Variants in PIK3R1 observed in about 807,000 individuals in gnomAD.
PIK3R1 encodes phosphoinositide-3-kinase regulatory subunit 1, also known as phosphatidylinositol 3-kinase regulatory subunit alpha.
In PIK3R1, 29 loss-of-function variants were observed where a neutral mutation model predicts 98.0. That is an observed-to-expected ratio of 0.30 (90% CI 0.22 to 0.40). PIK3R1 has a LOEUF of 0.40. Among genes scored for constraint, PIK3R1 ranks in the 10% least tolerant of loss-of-function variants. PIK3R1 has a pLI of 1.00. For synonymous variants in PIK3R1, 282 were observed against 311.8 expected, an observed-to-expected ratio of 0.90 and a Z score of 1.01; for missense variants, 596 against 872.7, an observed-to-expected ratio of 0.68 and a Z score of 3.99.
At chr5:68,286,074 A>T (rs1747064821) in intron 7 of PIK3R1, among the ~76,000 whole-genome samples, 1 of 152,212 alleles carries the variant, frequency 6.6e-6, no homozygotes, top group African/African-American at 2.4e-5. Flanking sequence ...GGTGACTTGT[A>T]CATATGAAAT....
At chr5:68,268,637 C>A (rs989562750) in intron 2 of PIK3R1, among the ~76,000 whole-genome samples, 1 of 152,186 alleles carries the variant, frequency 6.6e-6, no homozygotes, top group Non-Finnish European at 1.5e-5. Context: ...AGGTAAGTGG[C>A]AGTTTTTCAC....
chr5:68,251,917 A>G (rs865993627), intron 2 of PIK3R1, among the ~76,000 whole-genome samples: 4 of 152,130 alleles, frequency 2.6e-5, no homozygotes, highest in Admixed American at 6.5e-5. Context: ...TGCAGGAGTG[A>G]CTGTTCTTGG....
At chr5:68,238,129 C>T (rs1313760411) in intron 2 of PIK3R1, among the ~76,000 whole-genome samples, 2 of 152,212 alleles carry the variant, frequency 1.3e-5, no homozygotes, top group Non-Finnish European at 2.9e-5. Flanking sequence ...CTCTCCATCA[C>T]TCAGAGCATC....
chr5:68,261,991 A>G (rs1054958535), intron 2 of PIK3R1, among the ~76,000 whole-genome samples: 5 of 152,134 alleles, frequency 3.3e-5, no homozygotes, highest in African/African-American at 1.2e-4. Context: ...TAATGCAGAA[A>G]GGAGTACCCC....
chr5:68,228,207 A>G (rs1239753438), intron 2 of PIK3R1, among the ~76,000 whole-genome samples: 1 of 152,224 alleles, frequency 6.6e-6, no homozygotes, highest in Non-Finnish European at 1.5e-5. Context: ...CTAGTAAGCT[A>G]TTATACCTTC....
intron 12 of PIK3R1, 106 bp from the exon 13 acceptor site, chr5:68,295,042 T>A: frequency 1.3e-6 from 1 of 780,566 alleles, no homozygotes; most frequent in Non-Finnish European, 1.9e-6. Flanking sequence ...AAGCCACGCT[T>A]TACCTAAGGA....
intron 2 of PIK3R1, among the ~76,000 whole-genome samples, chr5:68,263,215 T>TCTACATATATATCTATATATGTAGAAAA (rs1561279747): frequency 5.8e-5 from 7 of 120,956 alleles, no homozygotes; most frequent in Admixed American, 4.8e-4. Flanking sequence ...ATATATATAT[T>TCTACATATATATCTATATATGTAGAAAA]TCTACATATA....
chr5:68,296,092 G>A, intron 14 of PIK3R1, 79 bp from the exon 15 acceptor site: 1 of 1,391,336 alleles, frequency 7.2e-7, no homozygotes. Flanking sequence ...AGTGACGGGG[G>A]TATGCCTAGG....
intron 2 of PIK3R1, among the ~76,000 whole-genome samples, chr5:68,269,485 G>A (rs1050735055): frequency 3.3e-5 from 5 of 152,064 alleles, no homozygotes; most frequent in African/African-American, 1.2e-4. Context: ...TTTGTTTTTA[G>A]TACTATTATT....
intron 1 of PIK3R1, among the ~76,000 whole-genome samples, chr5:68,219,404 C>G (rs113090942): frequency 9.2e-5 from 14 of 152,330 alleles, no homozygotes; most frequent in African/African-American, 3.1e-4. Flanking sequence ...TTAATAAAGC[C>G]AAGGCATCTG....
chr5:68,286,818 A>G (rs1264391817), intron 7 of PIK3R1, among the ~76,000 whole-genome samples: 1 of 152,218 alleles, frequency 6.6e-6, no homozygotes. Flanking sequence ...GAATCCAGAC[A>G]GGTATGCTTA....
intron 2 of PIK3R1, among the ~76,000 whole-genome samples, chr5:68,258,334 G>A (rs1336806282): frequency 1.3e-5 from 2 of 152,104 alleles, no homozygotes; most frequent in Non-Finnish European, 2.9e-5. Context: ...GAAAAAGGAT[G>A]TATTAGAGAC....
chr5:68,238,152 G>A (rs910233632), intron 2 of PIK3R1, among the ~76,000 whole-genome samples: 1 of 152,188 alleles, frequency 6.6e-6, no homozygotes, highest in South Asian at 2.1e-4. Context: ...AAAGTCAGGC[G>A]GTGAACGCAG....
chr5:68,241,848 A>G (rs1474897544), intron 2 of PIK3R1, among the ~76,000 whole-genome samples: 16 of 152,362 alleles, frequency 1.1e-4, no homozygotes, highest in Non-Finnish European at 5.9e-5. Context: ...TTTAAATACA[A>G]TCTCACATTT....
In PIK3R1 at chr5:68,300,414, GAT is replaced by G. The variant is rs1282209818; in HGVS notation, c.*2818_*2819del. The G allele has an allele frequency of 4.3e-6, 1 of 232,890 alleles. No individual in the cohort carries two copies. The highest frequency in any genetic ancestry group is 6.0e-5 in the East Asian group (1 of 16,564). 14.4% of individuals were successfully genotyped at this position (232,890 alleles called of 1,614,324 possible). The stretch of plus-strand genomic sequence containing the variant: ...GAATAGATACAGCAGAGGCACTCCT[GAT>G]ATATGATTTTTATCCATGCGTCAGT... On this transcript the variant is annotated 3_prime_UTR_variant, in exon 16 of 16. Coordinates refer to ENST00000521381, the MANE Select transcript of PIK3R1 (RefSeq NM_181523.3).
At chr5:68,229,074 G>A (rs2111973765) in intron 2 of PIK3R1, among the ~76,000 whole-genome samples, 1 of 151,848 alleles carries the variant, frequency 6.6e-6, no homozygotes, top group Admixed American at 6.6e-5. Context: ...AAAAGTATTA[G>A]AGCCTGAATA....
At chr5:68,237,448 G>A (rs532617365) in intron 2 of PIK3R1, among the ~76,000 whole-genome samples, 4 of 152,286 alleles carry the variant, frequency 2.6e-5, no homozygotes, top group Admixed American at 6.5e-5. Context: ...GAGGGGGTAA[G>A]GGAAAGGCAC....
At chr5:68,291,715 G>A (rs1424463699) in intron 7 of PIK3R1, 2 of 152,548 alleles carry the variant, frequency 1.3e-5, no homozygotes, top group African/African-American at 2.4e-5. Context: ...GCTTTTGGCA[G>A]AACAGTGCCT....
chr5:68,290,870 T>C, intron 7 of PIK3R1: 2 of 1,409,142 alleles, frequency 1.4e-6, no homozygotes, highest in Non-Finnish European at 1.9e-6. Flanking sequence ...AGTTAGTTAA[T>C]TTCGTGGCTT....
Sources: gnomAD v4.1 joint callset for allele counts (sites outside exome capture counted in the v4.1 genomes callset) on GRCh38, gnomAD v4.1.1 for gene constraint, MANE v1.5 for transcripts, NCBI Gene and HGNC (gene_info 2026-07-23, HGNC 2026-07-21) for gene names.